UMAD1: variants seen among roughly 807,000 people sequenced by gnomAD.
UMAD1 encodes the protein UBAP1-MVB12-associated (UMA)-domain containing protein 1.
Under a neutral mutation model 6.1 loss-of-function variants are expected in UMAD1, and 8 were observed. That is an observed-to-expected ratio of 1.30 (90% confidence interval 0.76 to 2.35). The LOEUF is 2.35. Among genes scored for constraint, UMAD1 ranks in the 30% most tolerant of loss-of-function variants. The pLI is 0.00. For synonymous variants in UMAD1, 56 were observed against 31.4 expected, an observed-to-expected ratio of 1.78 and a Z score of -2.61; for missense variants, 130 against 78.4, an observed-to-expected ratio of 1.66 and a Z score of -2.49.
At chr7:7,727,419 CTTA>C (rs1349825299) in intron 2 of UMAD1, among the ~76,000 whole-genome samples, 2 of 152,172 alleles carry the variant, frequency 1.3e-5, no homozygotes, top group African/African-American at 4.8e-5. Flanking sequence ...TAATTATGAC[CTTA>C]TTATTGTCTT....
intron 3 of UMAD1, among the ~76,000 whole-genome samples, chr7:7,822,535 A>G (rs554007008): frequency 6.6e-6 from 1 of 152,276 alleles, no homozygotes; most frequent in South Asian, 2.1e-4. Flanking sequence ...GCTGATATGC[A>G]TGCAAGGTGG....
At chr7:7,805,262 C>T (rs934390443) in intron 3 of UMAD1, among the ~76,000 whole-genome samples, 1 of 152,092 alleles carries the variant, frequency 6.6e-6, no homozygotes, top group African/African-American at 2.4e-5. Context: ...TGATACCTGG[C>T]CCCACCACCC....
intron 3 of UMAD1, among the ~76,000 whole-genome samples, chr7:7,855,495 C>T (rs181120552): frequency 4.6e-5 from 7 of 152,342 alleles, no homozygotes; most frequent in East Asian, 1.9e-4. Context: ...TCTGAAGGAA[C>T]GGCCTGAGTT....
intron 3 of UMAD1, among the ~76,000 whole-genome samples, chr7:7,818,953 G>A (rs560856114): frequency 4.6e-5 from 7 of 152,238 alleles, no homozygotes; most frequent in South Asian, 2.1e-4. Flanking sequence ...AGGTCCAAGC[G>A]ATTCTCCTGC....
chr7:7,641,683 G>A (rs190189394), intron 1 of UMAD1: 15 of 152,264 alleles, frequency 9.9e-5, no homozygotes, highest in African/African-American at 3.4e-4. Flanking sequence ...TAGAATGAGT[G>A]CACATAAAAA....
At chr7:7,748,405 A>G (rs1464260792) in intron 2 of UMAD1, among the ~76,000 whole-genome samples, 1 of 152,126 alleles carries the variant, frequency 6.6e-6, no homozygotes, top group Non-Finnish European at 1.5e-5. Flanking sequence ...AGATTTCTAG[A>G]CATATGGTAG....
chr7:7,764,152 G>A (rs925065940), intron 2 of UMAD1, among the ~76,000 whole-genome samples: 2 of 152,128 alleles, frequency 1.3e-5, no homozygotes, highest in African/African-American at 4.8e-5. Context: ...ATGAGGTTGC[G>A]GTGTGATACG....
chr7:7,819,738 T>A (rs189550691), intron 3 of UMAD1, among the ~76,000 whole-genome samples: 206 of 152,358 alleles, frequency 1.4e-3, no homozygotes, highest in Non-Finnish European at 2.4e-3. Context: ...ATTTGCATTT[T>A]TATCATTGCC....
chr7:7,877,290 GA>G lies in UMAD1; in HGVS notation c.170del (p.Asn57IlefsTer5). On this transcript the variant is annotated frameshift_variant, in exon 4 of 4. Transcript: ENST00000682710. LOFTEE classifies it high-confidence loss of function. ...ATGTATGTATTTTTAGACCAACAAA[GA>G]AAATTCATCCAGTGTGACTGTATCA... ...EANQPLETNK[E>X]NSSSVTVSDP... 1 of 712,356 alleles carries G rather than the reference GA, an allele frequency of 1.4e-6. No homozygotes were observed. The highest frequency in any genetic ancestry group is 2.6e-6 in the Non-Finnish European group (1 of 380,742). 44.1% of individuals were successfully genotyped at this position (712,356 alleles called of 1,614,324 possible).
At chr7:7,837,775 T>C (rs1455406786) in intron 3 of UMAD1, among the ~76,000 whole-genome samples, 2 of 152,168 alleles carry the variant, frequency 1.3e-5, no homozygotes, top group African/African-American at 4.8e-5. Flanking sequence ...AAGCACAGTT[T>C]ATTAGATTAA....
intron 2 of UMAD1, among the ~76,000 whole-genome samples, chr7:7,711,369 A>G (rs536575480): frequency 8.5e-5 from 13 of 152,242 alleles, no homozygotes; most frequent in Non-Finnish European, 1.6e-4. Flanking sequence ...GGGAGGAATT[A>G]CAGGCTATGC....
chr7:7,735,248 A>G (rs914755808), intron 2 of UMAD1, among the ~76,000 whole-genome samples: 2 of 152,228 alleles, frequency 1.3e-5, no homozygotes, highest in Non-Finnish European at 2.9e-5. Context: ...TTACGGGATC[A>G]AATTAGAAGG....
intron 3 of UMAD1, among the ~76,000 whole-genome samples, chr7:7,860,786 A>AC (rs370273636): frequency 0.47 from 70,212 of 148,320 alleles, 18,030 homozygotes; most frequent in African/African-American, 0.62. Context: ...AAAAAAAAAA[A>AC]AATAACAAAA....
intron 2 of UMAD1, among the ~76,000 whole-genome samples, chr7:7,745,241 G>C (rs1781549662): frequency 6.6e-6 from 1 of 152,178 alleles, no homozygotes; most frequent in African/African-American, 2.4e-5. Context: ...TGGCCTTGCT[G>C]TCTCAGGAGT....
chr7:7,796,127 T>A (rs1160590237), intron 2 of UMAD1, among the ~76,000 whole-genome samples: 1 of 151,960 alleles, frequency 6.6e-6, no homozygotes, highest in South Asian at 2.1e-4. Context: ...ATTTCCTCCA[T>A]GTTGAAGGAA....
chr7:7,871,407 T>G (rs1784329732), intron 3 of UMAD1, among the ~76,000 whole-genome samples: 1 of 152,226 alleles, frequency 6.6e-6, no homozygotes, highest in Non-Finnish European at 1.5e-5. Flanking sequence ...TGGGTTTGAT[T>G]ATCAGTTTCA....
intron 2 of UMAD1, among the ~76,000 whole-genome samples, chr7:7,717,396 C>G (rs2115178955): frequency 6.6e-6 from 1 of 152,288 alleles, no homozygotes; most frequent in South Asian, 2.1e-4. Context: ...CTCTTAAACT[C>G]ACTCCTTGTG....
At chr7:7,804,513 A>AG (rs1208487405) in intron 3 of UMAD1, among the ~76,000 whole-genome samples, 2 of 152,212 alleles carry the variant, frequency 1.3e-5, no homozygotes, top group African/African-American at 4.8e-5. Context: ...TCTCTACTAA[A>AG]ATACAAAAAA....
chr7:7,756,355 T>G (rs1781775430), intron 2 of UMAD1, among the ~76,000 whole-genome samples: 1 of 152,204 alleles, frequency 6.6e-6, no homozygotes, highest in South Asian at 2.1e-4. Context: ...TGTTTGCAAT[T>G]ATTTATGAAG....
Sources: allele counts gnomAD v4.1 joint callset (sites outside exome capture counted in the v4.1 genomes callset), GRCh38; gene constraint gnomAD v4.1.1; transcripts MANE v1.5; gene names NCBI Gene and HGNC (gene_info 2026-07-23, HGNC 2026-07-21).